Variants in PARVG observed in about 807,000 individuals in gnomAD.
PARVG encodes the protein gamma-parvin.
In PARVG, 36 loss-of-function variants were observed where a neutral mutation model predicts 44.4. The observed-to-expected ratio is 0.81, with a 90% CI of 0.62 to 1.07. The LOEUF is 1.07. Ranked by LOEUF, PARVG falls within the 50% of genes least tolerant of loss-of-function variation. PARVG has a pLI of 0.00. For missense variants in PARVG, 407 were observed against 407.4 expected (o/e 1.00, Z 0.01); for synonymous variants, 170 against 174.1 (o/e 0.98, Z 0.19).
In PARVG at chr22:44,208,402, A is replaced by T. The variant is rs2054805828; in HGVS notation, c.*1976A>T. 1 of 152,166 alleles carries T rather than the reference A, an allele frequency of 6.6e-6. No individual in the cohort carries two copies. Among genetic ancestry groups the T allele is most frequent in the South Asian group, 2.1e-4 (1 of 4,834 alleles). 9.4% of individuals were successfully genotyped at this position (152,166 alleles called of 1,614,324 possible). A position where few individuals can be genotyped will look rare whatever the true frequency, so the allele number is the denominator to read the frequency against. On this transcript the variant is annotated 3_prime_UTR_variant, in exon 14 of 14. Transcript: ENST00000444313. Reference sequence around the variant, plus strand: ...CTCCCAGCCCCTGGCCCTGGGGACCACTGATCTGTTTTCTGTCACCATCAT... The same window carrying T: ...CTCCCAGCCCCTGGCCCTGGGGACCTCTGATCTGTTTTCTGTCACCATCAT...
At chr22:44,195,499 G>T (rs924981216) in intron 9 of PARVG, among the ~76,000 whole-genome samples, 3 of 152,218 alleles carry the variant, frequency 2.0e-5, no homozygotes, top group African/African-American at 7.2e-5. Flanking sequence ...TCCAGCTAGT[G>T]CACAAAGGGC....
At chr22:44,179,961 AT>A (rs1333124774), upstream of PARVG, among the ~76,000 whole-genome samples, 1 of 152,170 alleles carries the variant, frequency 6.6e-6, no homozygotes, top group Non-Finnish European at 1.5e-5. This position sits in a 1 kb window ranked among gnomAD's most constrained non-coding sequence, Gnocchi z 4.2. Flanking sequence ...TCTGGGTTGA[AT>A]GCTTTAGGTT....
At position 44,181,737 on chromosome 22, in the gene PARVG, C is replaced by T. The variant is rs1473936838; in HGVS notation, c.-188-5C>T. On this transcript the variant is annotated splice_polypyrimidine_tract_variant and splice_region_variant and intron_variant, in intron 1 of 13. Coordinates refer to ENST00000444313, the MANE Select transcript of PARVG (RefSeq NM_022141.7). Reference sequence around the variant, plus strand: ...GGCATCCACCCCCCTCGGGCCCTGCCGCAGAGAGGAGGAAGCTCCTGCCGG... The same window carrying T: ...GGCATCCACCCCCCTCGGGCCCTGCTGCAGAGAGGAGGAAGCTCCTGCCGG... 2.0e-6 allele frequency: 2 copies of T among 985,278 alleles called. No homozygotes were observed. The highest frequency in any genetic ancestry group is 1.7e-5 in the African/African-American group (1 of 57,218). The allele number at this position is 985,278 out of a possible 1,614,324, so 61.0% of individuals were successfully genotyped here. A position where few individuals can be genotyped will look rare whatever the true frequency, so the allele number is the denominator to read the frequency against.
intron 8 of PARVG, 98 bp downstream of exon 8, chr22:44,192,202 A>T: frequency 7.3e-7 from 1 of 1,372,264 alleles, no homozygotes; most frequent in African/African-American, 1.4e-5. Context: ...CCTTTGTGGG[A>T]AGGGCCCTCA....
chr22:44,193,848 A>T (rs1265328844), intron 9 of PARVG, 25 bp downstream of exon 9: 1 of 1,613,808 alleles, frequency 6.2e-7, no homozygotes. Flanking sequence ...CATTTTTGGA[A>T]ATCTGTTCCT....
Position 44,196,354 on chromosome 22 carries a change from T to C in PARVG, c.650T>C (p.Val217Ala). The C allele has an allele frequency of 6.2e-7, 1 of 1,614,200 alleles. No individual in the cohort carries two copies. The highest frequency in any genetic ancestry group is 1.7e-5 in the Admixed American group (1 of 60,026). The change falls in exon 11 of 14, where the codon GTG becomes GCG. Residue 217 changes from valine to alanine, a missense_variant. Physicochemically the swap from Val to Ala is moderately conservative, Grantham distance 64 (BLOSUM62 0). Transcript: ENST00000444313. ...TTGTTCTTCCCTGGTTAGGCCATCG[T>C]GAACTTTGTCAACCAGAAGCTGGAC... is the stretch of plus-strand genomic sequence containing the variant. The part of the protein sequence containing the change: ...EKVNAVKEAI[V>A]NFVNQKLDRL...
At chr22:44,205,260 C>T (rs2054764597) in intron 12 of PARVG, among the ~76,000 whole-genome samples, 1 of 152,208 alleles carries the variant, frequency 6.6e-6, no homozygotes, top group Non-Finnish European at 1.5e-5. Context: ...CCAGTGAGCC[C>T]CTTGGCTCCT....
chr22:44,194,483 C>T (rs1195159606), intron 9 of PARVG, among the ~76,000 whole-genome samples: 1 of 152,148 alleles, frequency 6.6e-6, no homozygotes, highest in Non-Finnish European at 1.5e-5. Flanking sequence ...ACTTATCCAC[C>T]CACCCACCTA....
At chr22:44,193,942 T>C (rs1167138777) in intron 9 of PARVG, 119 bp downstream of exon 9, 45 of 1,301,802 alleles carry the variant, frequency 3.5e-5, no homozygotes, top group Non-Finnish European at 4.6e-5. Context: ...TTGCTGTTTG[T>C]ATCTCAAGCC....
chr22:44,203,267 A>G (rs2054733810), intron 12 of PARVG, among the ~76,000 whole-genome samples: 1 of 152,220 alleles, frequency 6.6e-6, no homozygotes, highest in Non-Finnish European at 1.5e-5. Context: ...TTTTTTAAAT[A>G]AGTGAATGAA....
In PARVG at chr22:44,198,603, C is replaced by T. The variant is rs1472778905; in HGVS notation, c.712-18C>T. 6.3e-7 allele frequency: 1 copy of T among 1,586,228 alleles called. No homozygotes were observed. On this transcript the variant is annotated intron_variant, in intron 11 of 13. Coordinates refer to ENST00000444313, the MANE Select transcript of PARVG (RefSeq NM_022141.7). Reference sequence around the variant, plus strand: ...CAGGCTTCTTCCATGTGATTGTCTCCAGTTCCTTCCTTTGTAGTTTGCAGA... The same window carrying T: ...CAGGCTTCTTCCATGTGATTGTCTCTAGTTCCTTCCTTTGTAGTTTGCAGA...
chr22:44,201,362 A>G (rs2054705973), intron 12 of PARVG, among the ~76,000 whole-genome samples: 1 of 152,142 alleles, frequency 6.6e-6, no homozygotes. Context: ...AGGCTTACCC[A>G]GTACCACCCA....
At position 44,191,986 on chromosome 22, in the gene PARVG, G is replaced by T; in HGVS notation, c.505-63G>T. The T allele has an allele frequency of 2.6e-6, 4 of 1,563,438 alleles. No individual in the cohort carries two copies. In the South Asian group the frequency reaches 3.3e-5, roughly 13 times the overall value. On this transcript the variant is annotated intron_variant, in intron 7 of 13. Transcript: ENST00000444313. ...ATGATACAGAGCAAACGGATCACTG[G>T]GGCTTCTTTGGGCCCCAGAGTTTTC... is the stretch of plus-strand genomic sequence containing the variant.
intron 3 of PARVG, chr22:44,184,893 T>G (rs2054440828): frequency 6.6e-6 from 1 of 152,248 alleles, no homozygotes; most frequent in Non-Finnish European, 1.5e-5. Flanking sequence ...TTTTTTGTTT[T>G]ACAACTGATT....
chr22:44,173,326 T>G, intron 1 of PARVG: 2 of 730,572 alleles, frequency 2.7e-6, no homozygotes, highest in Non-Finnish European at 3.8e-6. Flanking sequence ...TCACTGGGCC[T>G]TGCATGCTGA....
intron 12 of PARVG, among the ~76,000 whole-genome samples, chr22:44,205,233 T>C (rs376963706): frequency 9.2e-5 from 14 of 152,186 alleles, no homozygotes; most frequent in Admixed American, 1.3e-4. Context: ...GTTTGAGCGC[T>C]TTCTGTCTCG....
intron 8 of PARVG, among the ~76,000 whole-genome samples, chr22:44,192,805 C>T (rs914178264): frequency 6.6e-6 from 1 of 152,186 alleles, no homozygotes; most frequent in African/African-American, 2.4e-5. Flanking sequence ...GGCTGGCCAT[C>T]TTGCTCCCCG....
chr22:44,189,727 GTCAA>G (rs2054522706), intron 6 of PARVG, among the ~76,000 whole-genome samples: 1 of 152,140 alleles, frequency 6.6e-6, no homozygotes, highest in African/African-American at 2.4e-5. Flanking sequence ...GACCAGCCTG[GTCAA>G]CATGGTGAAA....
At chr22:44,196,610 G>GC (rs1029882286) in intron 11 of PARVG, among the ~76,000 whole-genome samples, 195 bp downstream of exon 11, 5 of 152,114 alleles carry the variant, frequency 3.3e-5, no homozygotes, top group East Asian at 1.9e-4. Context: ...GGATCCCGGG[G>GC]GTGGAGGTGT....
Sources: gnomAD v4.1 joint callset for allele counts (sites outside exome capture counted in the v4.1 genomes callset) on GRCh38, gnomAD v4.1.1 for gene constraint, Gnocchi (gnomAD v3.1) non-coding constraint, MANE v1.5 for transcripts, NCBI Gene and HGNC (gene_info 2026-07-23, HGNC 2026-07-21) for gene names.